CNGB3: variants seen among roughly 807,000 people sequenced by gnomAD.
The protein encoded by CNGB3 is cyclic nucleotide gated channel subunit beta 3, also known as cyclic nucleotide-gated channel beta-3.
A neutral mutation model predicts 92.8 loss-of-function variants in CNGB3; 86 were observed. The observed-to-expected ratio is 0.93, with a 90% CI of 0.78 to 1.11. The LOEUF is 1.11. CNGB3 is among the 50% of genes least tolerant of loss of function. The probability of loss-of-function intolerance (pLI) is 0.00; values close to 1 mark genes in which losing one functional copy is unlikely to be tolerated. For synonymous variants in CNGB3, 333 were observed against 332.7 expected, an observed-to-expected ratio of 1.00 and a Z score of -0.01; for missense variants, 1,026 against 956.8, an observed-to-expected ratio of 1.07 and a Z score of -0.95.
intron 15 of CNGB3, among the ~76,000 whole-genome samples, chr8:86,592,031 A>G (rs139406396): frequency 0.018 from 2,705 of 152,350 alleles, 72 homozygotes; most frequent in African/African-American, 0.062. Context: ...GGTGCAGGAT[A>G]TAATCTCGTG....
chr8:86,675,279 C>T (rs1265642315), intron 3 of CNGB3, among the ~76,000 whole-genome samples: 1 of 152,062 alleles, frequency 6.6e-6, no homozygotes, highest in African/African-American at 2.4e-5. Context: ...CACCAGGTTG[C>T]TCAAGCTGGT....
At chr8:86,739,832 A>C in intron 1 of CNGB3, 96 bp from the exon 2 acceptor site, 2 of 1,363,832 alleles carry the variant, frequency 1.5e-6, no homozygotes, top group Non-Finnish European at 2.1e-6. Context: ...ATTGTCAATC[A>C]GATCATTAAA....
intron 3 of CNGB3, among the ~76,000 whole-genome samples, chr8:86,672,102 TTTTG>T (rs147377877): frequency 0.01 from 1,538 of 152,222 alleles, 24 homozygotes; most frequent in African/African-American, 0.032. Flanking sequence ...CCTTTTGATT[TTTTG>T]TTTGTTTGTT....
At position 86,739,681 on chromosome 8, in the gene CNGB3, G is replaced by T; in HGVS notation, c.185C>A (p.Ser62Tyr). ...SLKTKSTPVT[S>Y]EEPHTNIQDK... ...TTGTATGTTGGTGTGTGGCTCTTCA[G>T]ACGTGACTGGAGTTGACTTGGTTTT... Residue 62 changes from serine (S) to tyrosine (Y), a missense_variant, in exon 2 of 18, where the codon TCT (serine) becomes TAT (tyrosine). Ser to Tyr is a moderately radical substitution (Grantham distance 144). Transcript: ENST00000320005. The T allele has an allele frequency of 6.2e-7, 1 of 1,605,242 alleles. No individual in the cohort carries two copies. Among genetic ancestry groups the T allele is most frequent in the Non-Finnish European group, 8.5e-7 (1 of 1,177,684 alleles).
At chr8:86,581,058 A>G (rs1202677219) in intron 15 of CNGB3, among the ~76,000 whole-genome samples, 1 of 152,082 alleles carries the variant, frequency 6.6e-6, no homozygotes, top group African/African-American at 2.4e-5. Context: ...AAAAACTTAT[A>G]TAGGGTTTTA....
intron 2 of CNGB3, among the ~76,000 whole-genome samples, chr8:86,733,357 G>A (rs1825192176): frequency 6.6e-6 from 1 of 152,166 alleles, no homozygotes; most frequent in Non-Finnish European, 1.5e-5. Flanking sequence ...TGGGCACTCA[G>A]GTTGATTTCA....
At chr8:86,681,714 CA>C (rs1253373642) in intron 3 of CNGB3, among the ~76,000 whole-genome samples, 1 of 152,080 alleles carries the variant, frequency 6.6e-6, no homozygotes, top group Non-Finnish European at 1.5e-5. Flanking sequence ...CTAAAAGCTT[CA>C]AGAGATGGAA....
rs1821627765 is a variant in CNGB3, at chr8:86,574,758, C to T, written c.*1046G>A. 1 of 152,180 alleles carries T rather than the reference C, an allele frequency of 6.6e-6. No individual in the cohort carries two copies. The allele number at this position is 152,180 out of a possible 1,614,324, so 9.4% of individuals were successfully genotyped here. On this transcript the variant is annotated 3_prime_UTR_variant, in exon 18 of 18. Coordinates refer to ENST00000320005, the MANE Select transcript of CNGB3 (RefSeq NM_019098.5). ...CCTGGCCTTTGTAGCCTCCTCACAG[C>T]ATGCAACGTCGGTAATTATGCTAAT...
chr8:86,701,191 T>C (rs990306182), intron 3 of CNGB3, among the ~76,000 whole-genome samples: 20 of 152,180 alleles, frequency 1.3e-4, no homozygotes, highest in African/African-American at 4.1e-4. Flanking sequence ...ACATAGTAAC[T>C]ATCCCTCCCA....
chr8:86,605,782 A>G (rs1004507062), intron 14 of CNGB3, among the ~76,000 whole-genome samples: 1 of 152,152 alleles, frequency 6.6e-6, no homozygotes, highest in African/African-American at 2.4e-5. Flanking sequence ...TCTCTGGGAG[A>G]TTCTAAAGTC....
In CNGB3 at chr8:86,732,394, T is replaced by A. The variant is rs556352714; in HGVS notation, c.212-5737A>T. On this transcript the variant is annotated intron_variant, in intron 2 of 17. Transcript: ENST00000320005. The stretch of plus-strand genomic sequence containing the variant: ...GGAAAACGGTTGTTATCTAAGTCAG[T>A]CAGACTACTCCCTTTGGAATTTGGA... Among the ~76,000 whole-genome samples, 8 of 152,244 alleles carry A rather than the reference T, an allele frequency of 5.3e-5. No homozygotes were observed. In the South Asian group the frequency reaches 1.7e-3, roughly 32 times the overall value.
At chr8:86,670,207 C>G (rs1368087475) in intron 4 of CNGB3, among the ~76,000 whole-genome samples, 1 of 152,168 alleles carries the variant, frequency 6.6e-6, no homozygotes, top group Admixed American at 6.5e-5. Context: ...TAGTCCCTCC[C>G]CTTACTTGAT....
At position 86,739,684 on chromosome 8, in the gene CNGB3, G is replaced by T. The variant is rs745546656; in HGVS notation, c.182C>A (p.Thr61Lys). The change falls in exon 2 of 18, where the codon ACG becomes AAG. Residue 61 changes from threonine to lysine, a missense_variant. Transcript: ENST00000320005. ...TATGTTGGTGTGTGGCTCTTCAGACGTGACTGGAGTTGACTTGGTTTTGAG... is the reference window on the plus strand; with the variant it reads ...TATGTTGGTGTGTGGCTCTTCAGACTTGACTGGAGTTGACTTGGTTTTGAG... The part of the protein sequence containing the change: ...KSLKTKSTPV[T>K]SEEPHTNIQD... The T allele has an allele frequency of 6.2e-6, 10 of 1,607,222 alleles. No individual in the cohort carries two copies. The East Asian group carries it at 1.8e-4, about 29-fold the overall frequency.
intron 3 of CNGB3, among the ~76,000 whole-genome samples, chr8:86,707,325 A>G (rs1372831447): frequency 6.6e-6 from 1 of 152,228 alleles, no homozygotes; most frequent in African/African-American, 2.4e-5. Flanking sequence ...AGAATATGTC[A>G]GGTGATGATA....
chr8:86,643,097 TAC>T (rs3077207), intron 10 of CNGB3, among the ~76,000 whole-genome samples: 91 of 148,700 alleles, frequency 6.1e-4, no homozygotes, highest in African/African-American at 1.0e-3. Flanking sequence ...CAACTCAGGA[TAC>T]ACACACACAC....
intron 6 of CNGB3, among the ~76,000 whole-genome samples, chr8:86,654,771 GT>G (rs575320413): frequency 4.5e-4 from 68 of 152,094 alleles, no homozygotes; most frequent in African/African-American, 1.6e-3. Context: ...CTACTTTTCA[GT>G]TTTCTTGGAT....
At chr8:86,740,218 A>G (rs537925257) in intron 1 of CNGB3, among the ~76,000 whole-genome samples, 27 of 152,308 alleles carry the variant, frequency 1.8e-4, no homozygotes, top group Middle Eastern at 3.4e-3. Context: ...ATGTTCCTAC[A>G]GGGGCAGAGT....
At chr8:86,594,905 G>T (rs1013045376) in intron 15 of CNGB3, among the ~76,000 whole-genome samples, 3 of 152,020 alleles carry the variant, frequency 2.0e-5, no homozygotes, top group Non-Finnish European at 4.4e-5. Flanking sequence ...ATATTTTTAA[G>T]TAGAGACAGG....
At chr8:86,639,381 G>A (rs1208212816) in intron 10 of CNGB3, among the ~76,000 whole-genome samples, 1 of 152,066 alleles carries the variant, frequency 6.6e-6, no homozygotes, top group East Asian at 1.9e-4. Flanking sequence ...TCTAAAGAAG[G>A]ATGTTATTCA....
Sources: allele counts gnomAD v4.1 joint callset (sites outside exome capture counted in the v4.1 genomes callset), GRCh38; gene constraint gnomAD v4.1.1; transcripts MANE v1.5; gene names NCBI Gene and HGNC (gene_info 2026-07-23, HGNC 2026-07-21).